Variants in APBB1IP observed in about 807,000 individuals in gnomAD.
The protein encoded by APBB1IP is amyloid beta A4 precursor protein-binding family B member 1-interacting protein.
APBB1IP carries 27 observed loss-of-function variants against 64.9 expected under a neutral mutation model. The observed-to-expected ratio is 0.42, with a 90% CI of 0.31 to 0.57. APBB1IP has a LOEUF of 0.57. APBB1IP is among the 20% of genes least tolerant of loss of function. The pLI is 0.20. For missense variants in APBB1IP, 812 were observed against 845.5 expected, an observed-to-expected ratio of 0.96 and a Z score of 0.49; for synonymous variants, 392 against 331.0, an observed-to-expected ratio of 1.18 and a Z score of -2.00.
intron 8 of APBB1IP, among the ~76,000 whole-genome samples, chr10:26,519,870 G>A (rs1482372091): frequency 6.6e-6 from 1 of 152,172 alleles, no homozygotes; most frequent in Non-Finnish European, 1.5e-5. Flanking sequence ...TCTGCCTGCT[G>A]ACCTTAGAGT....
At chr10:26,497,879 A>G (rs111349159) in intron 4 of APBB1IP, among the ~76,000 whole-genome samples, 18,623 of 151,896 alleles carry the variant, frequency 0.12, 1,697 homozygotes, top group East Asian at 0.25. Flanking sequence ...GGCATGCGCC[A>G]TCATGACTGG....
chr10:26,495,974 T>TA (rs1480446757), intron 3 of APBB1IP, among the ~76,000 whole-genome samples: 4 of 142,684 alleles, frequency 2.8e-5, no homozygotes, highest in African/African-American at 1.0e-4. Flanking sequence ...TTAATATATA[T>TA]AAATATAATA....
chr10:26,497,978 C>T (rs1379514370), intron 4 of APBB1IP, among the ~76,000 whole-genome samples: 1 of 152,106 alleles, frequency 6.6e-6, no homozygotes, highest in Non-Finnish European at 1.5e-5. Flanking sequence ...CCAACTGTTT[C>T]AGCCTCCCAA....
At chr10:26,453,862 C>T (rs1835492064) in intron 2 of APBB1IP, among the ~76,000 whole-genome samples, 2 of 152,204 alleles carry the variant, frequency 1.3e-5, no homozygotes, top group African/African-American at 4.8e-5. Context: ...AATCCCACTG[C>T]TGGGTGTATA....
chr10:26,469,891 C>T (rs984837957), intron 2 of APBB1IP, among the ~76,000 whole-genome samples: 1 of 152,172 alleles, frequency 6.6e-6, no homozygotes, highest in Non-Finnish European at 1.5e-5. Context: ...CTGTATTAAT[C>T]CACTTAGGAC....
intron 14 of APBB1IP, among the ~76,000 whole-genome samples, chr10:26,565,125 C>G (rs1391981194): frequency 1.3e-5 from 2 of 152,250 alleles, no homozygotes; most frequent in Non-Finnish European, 2.9e-5. Flanking sequence ...TTTCCATTCA[C>G]TCTTCCCTTT....
chr10:26,547,466 A>G (rs1192026751), intron 11 of APBB1IP, among the ~76,000 whole-genome samples: 1 of 151,708 alleles, frequency 6.6e-6, no homozygotes, highest in Non-Finnish European at 1.5e-5. Context: ...TTTGAGACAC[A>G]GTTTCGCTCT....
chr10:26,513,399 G>A (rs1836285150), intron 7 of APBB1IP, 140 bp from the exon 8 acceptor site: 1 of 837,988 alleles, frequency 1.2e-6, no homozygotes, highest in African/African-American at 1.7e-5. Flanking sequence ...ATGTTACAGT[G>A]TGGCATCATG....
At chr10:26,523,650 AGGGGCGGGGG>A (rs1202607478) in intron 8 of APBB1IP, among the ~76,000 whole-genome samples, 4 of 151,528 alleles carry the variant, frequency 2.6e-5, no homozygotes, top group Non-Finnish European at 5.9e-5. Flanking sequence ...TAGGACATGG[AGGGGCGGGGG>A]GACACAGTTG....
At position 26,546,161 on chromosome 10, in the gene APBB1IP, C is replaced by T. The variant is rs1269483470; in HGVS notation, c.1155+4469C>T. ...TCTTCAAGAGATGAGAGCGTCCAGC[C>T]CTTCTTTTGATAATTAAATATGATA... is the stretch of plus-strand genomic sequence containing the variant. On this transcript the variant is annotated intron_variant, in intron 11 of 14. Transcript: ENST00000376236. Among the ~76,000 whole-genome samples, 4 of 152,164 alleles carry T rather than the reference C, an allele frequency of 2.6e-5. No individual in the cohort carries two copies. In the East Asian group the frequency reaches 7.7e-4, roughly 29 times the overall value.
chr10:26,560,019 A>G (rs1300616598), intron 11 of APBB1IP, 86 bp from the exon 12 acceptor site: 2 of 1,093,680 alleles, frequency 1.8e-6, no homozygotes, highest in Non-Finnish European at 2.8e-6. Context: ...ATATTGTTAG[A>G]GATTTTTTTT....
intron 11 of APBB1IP, among the ~76,000 whole-genome samples, chr10:26,542,896 G>T (rs948644242): frequency 6.7e-6 from 1 of 150,144 alleles, no homozygotes; most frequent in African/African-American, 2.5e-5. Flanking sequence ...TGCCTCCAAG[G>T]GTCATTTGGC....
Position 26,567,191 on chromosome 10 carries a change from CCCG to C in APBB1IP, c.1713_1715del (p.Pro573del), listed in dbSNP as rs1461853982. On this transcript the variant is annotated inframe_deletion, in exon 15 of 15. Transcript: ENST00000376236. ...CGCCGCCCCTCGATGACCCTGAGCT[CCCG>C]CCGCCGCCCCCGGACTTCATGGAGC... 4 of 1,404,742 alleles carry C rather than the reference CCCG, an allele frequency of 2.8e-6. No homozygotes were observed. Among genetic ancestry groups the C allele is most frequent in the African/African-American group, 1.5e-5 (1 of 65,510 alleles). 87.0% of individuals were successfully genotyped at this position (1,404,742 alleles called of 1,614,324 possible).
At chr10:26,496,043 A>G (rs1406253827) in intron 3 of APBB1IP, among the ~76,000 whole-genome samples, 2 of 148,352 alleles carry the variant, frequency 1.3e-5, no homozygotes, top group African/African-American at 2.5e-5. Flanking sequence ...TGTGTTCTTT[A>G]TAAAAATTAA....
At chr10:26,545,152 C>T (rs933736570) in intron 11 of APBB1IP, among the ~76,000 whole-genome samples, 2 of 152,338 alleles carry the variant, frequency 1.3e-5, no homozygotes, top group Admixed American at 6.5e-5. Context: ...AAAAGGATAA[C>T]TGTTGAGGTT....
chr10:26,446,137 C>T (rs1423330850), intron 2 of APBB1IP, among the ~76,000 whole-genome samples: 3 of 152,154 alleles, frequency 2.0e-5, no homozygotes, highest in Non-Finnish European at 4.4e-5. Context: ...GATTTCACAT[C>T]ATATTATAGT....
At chr10:26,480,054 C>T (rs1042409064) in intron 2 of APBB1IP, among the ~76,000 whole-genome samples, 8 of 152,194 alleles carry the variant, frequency 5.3e-5, no homozygotes, top group Admixed American at 3.3e-4. Context: ...CCTCCCAAAT[C>T]CTGAGCTGGA....
chr10:26,534,637 T>G (rs570949810), intron 9 of APBB1IP, among the ~76,000 whole-genome samples: 78 of 152,236 alleles, frequency 5.1e-4, no homozygotes, highest in Non-Finnish European at 9.4e-4. Context: ...CTGCCTGCTT[T>G]TCACAGCCCG....
chr10:26,508,850 C>T (rs1026582002), intron 6 of APBB1IP, among the ~76,000 whole-genome samples: 11 of 152,030 alleles, frequency 7.2e-5, no homozygotes, highest in Non-Finnish European at 1.5e-4. Flanking sequence ...TTAATCATTG[C>T]CAAATTATGT....
Sources: allele counts gnomAD v4.1 joint callset (sites outside exome capture counted in the v4.1 genomes callset), GRCh38; gene constraint gnomAD v4.1.1; transcripts MANE v1.5; gene names NCBI Gene and HGNC (gene_info 2026-07-23, HGNC 2026-07-21).